CCDC7: variants seen among roughly 807,000 people sequenced by gnomAD.
CCDC7 encodes the protein coiled-coil domain containing 7, also known as coiled-coil domain-containing protein 7.
Under a neutral mutation model 196.9 loss-of-function variants are expected in CCDC7, and 183 were observed. The ratio of observed to expected loss-of-function variants is 0.93; its 90% CI spans 0.82 to 1.05. CCDC7 has a LOEUF of 1.05. Among genes scored for constraint, CCDC7 ranks in the 50% least tolerant of loss-of-function variants. CCDC7 has a pLI of 0.00. For synonymous variants in CCDC7, 525 were observed against 484.6 expected, an observed-to-expected ratio of 1.08 and a Z score of -1.10; for missense variants, 1,540 against 1,482.2, an observed-to-expected ratio of 1.04 and a Z score of -0.64.
At chr10:32,669,248 C>T (rs891341994) in intron 21 of CCDC7, among the ~76,000 whole-genome samples, 1 of 152,146 alleles carries the variant, frequency 6.6e-6, no homozygotes, top group Non-Finnish European at 1.5e-5. Flanking sequence ...ATAAACCACA[C>T]TTGATCATGG....
chr10:32,868,103 C>G (rs1018762521), intron 41 of CCDC7, among the ~76,000 whole-genome samples: 1 of 151,868 alleles, frequency 6.6e-6, no homozygotes, highest in Non-Finnish European at 1.5e-5. Context: ...AATTTCCTTC[C>G]TTTATTTAAC....
chr10:32,543,059 T>G (rs2051771744), intron 11 of CCDC7, among the ~76,000 whole-genome samples: 1 of 152,172 alleles, frequency 6.6e-6, no homozygotes, highest in Non-Finnish European at 1.5e-5. Context: ...TGATTGATAT[T>G]GTCAGAAAAA....
chr10:32,541,997 G>C (rs775991419), intron 11 of CCDC7, among the ~76,000 whole-genome samples: 24 of 152,330 alleles, frequency 1.6e-4, no homozygotes, highest in Middle Eastern at 3.4e-3. Context: ...CTGCTGCCTT[G>C]ATGGATAGTA....
At chr10:32,662,000 T>G (rs2071571810) in intron 20 of CCDC7, among the ~76,000 whole-genome samples, 1 of 152,076 alleles carries the variant, frequency 6.6e-6, no homozygotes, top group South Asian at 2.1e-4. Context: ...CCAGGGAACT[T>G]TTAGCCCATG....
chr10:32,587,135 T>C (rs551378386), intron 18 of CCDC7, among the ~76,000 whole-genome samples: 5 of 152,342 alleles, frequency 3.3e-5, no homozygotes, highest in African/African-American at 1.2e-4. Flanking sequence ...ATTCACAGTG[T>C]TGTGCAACCA....
chr10:32,855,410 C>T (rs1404036566), intron 41 of CCDC7, among the ~76,000 whole-genome samples: 1 of 152,046 alleles, frequency 6.6e-6, no homozygotes, highest in Non-Finnish European at 1.5e-5. Flanking sequence ...TTATACAATT[C>T]ACCATAATGT....
chr10:32,820,709 A>G (rs2089993234), intron 31 of CCDC7, among the ~76,000 whole-genome samples: 1 of 152,242 alleles, frequency 6.6e-6, no homozygotes, highest in African/African-American at 2.4e-5. Flanking sequence ...AAAACAAGAA[A>G]TGGGGAAAGG....
At chr10:32,606,612 A>T (rs957944010) in intron 18 of CCDC7, among the ~76,000 whole-genome samples, 3 of 152,236 alleles carry the variant, frequency 2.0e-5, no homozygotes, top group Non-Finnish European at 4.4e-5. Flanking sequence ...ATGGAGTCAA[A>T]GGAGATTATT....
chr10:32,759,355 T>C (rs2077035190), intron 28 of CCDC7, among the ~76,000 whole-genome samples: 1 of 152,166 alleles, frequency 6.6e-6, no homozygotes, highest in African/African-American at 2.4e-5. Context: ...ACTACAAGGC[T>C]ACAGTAACCA....
intron 39 of CCDC7, among the ~76,000 whole-genome samples, chr10:32,850,818 C>CACACACAG (rs1199692806): frequency 7.2e-5 from 9 of 124,374 alleles, no homozygotes; most frequent in African/African-American, 2.5e-4. Flanking sequence ...CACACACACA[C>CACACACAG]AGAGACATGC....
intron 9 of CCDC7, among the ~76,000 whole-genome samples, chr10:32,509,848 A>G (rs2045838587): frequency 6.6e-6 from 1 of 152,222 alleles, no homozygotes; most frequent in Non-Finnish European, 1.5e-5. Flanking sequence ...AATACATCAT[A>G]CTTGTTAGGT....
At chr10:32,870,919 C>T (rs2136793638) in intron 41 of CCDC7, among the ~76,000 whole-genome samples, 1 of 152,296 alleles carries the variant, frequency 6.6e-6, no homozygotes, top group Admixed American at 6.5e-5. Flanking sequence ...GTATGTTGAA[C>T]CAGCCTTGCA....
intron 32 of CCDC7, among the ~76,000 whole-genome samples, chr10:32,833,758 T>C (rs185054274): frequency 1.1e-3 from 168 of 152,252 alleles, no homozygotes; most frequent in African/African-American, 3.7e-3. Context: ...ATGCCCTAAA[T>C]TGTTCCTATT....
intron 16 of CCDC7, among the ~76,000 whole-genome samples, chr10:32,578,527 CAGACATT>C (rs1443512372): frequency 2.6e-5 from 4 of 151,410 alleles, no homozygotes; most frequent in Admixed American, 2.0e-4. Flanking sequence ...GACAGATCAT[CAGACATT>C]AGGTTCTCGT....
At chr10:32,577,550 C>T (rs2137289643) in intron 16 of CCDC7, among the ~76,000 whole-genome samples, 1 of 152,178 alleles carries the variant, frequency 6.6e-6, no homozygotes, top group South Asian at 2.1e-4. Context: ...GGGATCTCAA[C>T]AACTCACCAT....
At chr10:32,847,379 G>A (rs2136201965) in intron 37 of CCDC7, among the ~76,000 whole-genome samples, 1 of 152,284 alleles carries the variant, frequency 6.6e-6, no homozygotes. Context: ...CACAATAACT[G>A]TTTGTGAGAG....
chr10:32,866,482 C>G (rs1210122373), intron 41 of CCDC7, among the ~76,000 whole-genome samples: 1 of 151,254 alleles, frequency 6.6e-6, no homozygotes, highest in Non-Finnish European at 1.5e-5. Flanking sequence ...AAAGACAAAA[C>G]AGGCTGTGAA....
intron 16 of CCDC7, among the ~76,000 whole-genome samples, chr10:32,579,757 AC>A (rs2058568390): frequency 6.6e-6 from 1 of 152,102 alleles, no homozygotes; most frequent in South Asian, 2.1e-4. Context: ...AGCCATTCTC[AC>A]TGAGAACAAG....
chr10:32,458,458 CATGTGTGT>C (rs1466327648), intron 3 of CCDC7, among the ~76,000 whole-genome samples: 2 of 17,844 alleles, frequency 1.1e-4, no homozygotes, highest in African/African-American at 2.2e-4. Flanking sequence ...TGTGTGTTTG[CATGTGTGT>C]GTGTGTGTGT....
Sources: gnomAD v4.1 joint callset for allele counts (sites outside exome capture counted in the v4.1 genomes callset) on GRCh38, gnomAD v4.1.1 for gene constraint, MANE v1.5 for transcripts, NCBI Gene and HGNC (gene_info 2026-07-23, HGNC 2026-07-21) for gene names.